Variants in RIMBP2 observed in about 807,000 individuals in gnomAD.
RIMBP2 encodes RIMS binding protein 2.
Under a neutral mutation model 118.6 loss-of-function variants are expected in RIMBP2, and 48 were observed. That is an observed-to-expected ratio of 0.40 (90% CI 0.32 to 0.51). The LOEUF is 0.51. Among genes scored for constraint, RIMBP2 ranks in the 20% least tolerant of loss-of-function variants. The pLI is 0.41. For synonymous variants in RIMBP2, 762 were observed against 742.9 expected, an observed-to-expected ratio of 1.03 and a Z score of -0.42; for missense variants, 1,551 against 1,768.3, an observed-to-expected ratio of 0.88 and a Z score of 2.20.
At chr12:130,494,166 G>A (rs1377472744) in intron 4 of RIMBP2, among the ~76,000 whole-genome samples, 2 of 152,122 alleles carry the variant, frequency 1.3e-5, no homozygotes, top group Non-Finnish European at 1.5e-5. Context: ...GTATCACTGC[G>A]CTGGGGACAG....
chr12:130,642,816 C>A (rs1014492709), intron 1 of RIMBP2, among the ~76,000 whole-genome samples: 1 of 152,164 alleles, frequency 6.6e-6, no homozygotes, highest in Non-Finnish European at 1.5e-5. Flanking sequence ...AAGCTCACAC[C>A]AGCAGGTCAC....
intron 2 of RIMBP2, among the ~76,000 whole-genome samples, chr12:130,602,742 G>A (rs1451103210): frequency 6.6e-6 from 1 of 152,212 alleles, no homozygotes; most frequent in African/African-American, 2.4e-5. Flanking sequence ...TGGTTCTGTT[G>A]CACCATATTG....
chr12:130,416,759 A>T (rs2076122554), intron 17 of RIMBP2, among the ~76,000 whole-genome samples: 1 of 152,214 alleles, frequency 6.6e-6, no homozygotes, highest in Non-Finnish European at 1.5e-5. Flanking sequence ...AGCAAAAGAA[A>T]CTATCAACAG....
At chr12:130,625,787 A>C (rs1487604919) in intron 2 of RIMBP2, among the ~76,000 whole-genome samples, 1 of 152,230 alleles carries the variant, frequency 6.6e-6, no homozygotes, top group Non-Finnish European at 1.5e-5. Flanking sequence ...AAAATTTAAA[A>C]ATATCAAAAA....
At chr12:130,663,293 C>T (rs4759742) in intron 1 of RIMBP2, among the ~76,000 whole-genome samples, 82,648 of 151,942 alleles carry the variant, frequency 0.54, 23,095 homozygotes, top group Non-Finnish European at 0.63. Flanking sequence ...CCTGTCCATG[C>T]GCCCTGAGAC....
chr12:130,556,214 G>A (rs2056341587), intron 2 of RIMBP2, among the ~76,000 whole-genome samples: 1 of 152,146 alleles, frequency 6.6e-6, no homozygotes, highest in African/African-American at 2.4e-5. Context: ...CGTGCACTCT[G>A]TCTGCCCGGA....
chr12:130,646,377 C>G lies in RIMBP2; in HGVS notation c.-351-17921G>C, dbSNP rs374855474. 1.3e-3 allele frequency among the ~76,000 whole-genome samples: 129 copies of G among 100,782 alleles called. 21 individuals carry two copies. The highest frequency in any genetic ancestry group is 2.0e-3 in the African/African-American group (60 of 29,682). 66.1% of individuals were successfully genotyped at this position (100,782 alleles called of 152,430 possible). A position where few individuals can be genotyped will look rare whatever the true frequency, so the allele number is the denominator to read the frequency against. On this transcript the variant is annotated intron_variant, in intron 1 of 22. Transcript: ENST00000690449. ...TCCCTCACCACCTCCCTCACCACCT[C>G]CCTCACCACCTCCCTCACCACCTGC... is the stretch of plus-strand genomic sequence containing the variant.
At position 130,622,740 on chromosome 12, in the gene RIMBP2, G is replaced by A. The variant is rs1292809684; in HGVS notation, c.-217+5582C>T. ...TTTTATTGCCTGTACAACACTCTTG[G>A]AAATATTGGGCTAGTTGGCAGATTT... On this transcript the variant is annotated intron_variant, in intron 2 of 22. Coordinates refer to ENST00000690449, the MANE Select transcript of RIMBP2 (RefSeq NM_001393629.1). The surrounding 1 kb of genome is among the most constrained non-coding windows in gnomAD (Gnocchi z 8.5). Among the ~76,000 whole-genome samples the A allele has an allele frequency of 2.6e-5, 4 of 152,138 alleles. No individual in the cohort carries two copies. Among genetic ancestry groups the A allele is most frequent in the Admixed American group, 6.5e-5 (1 of 15,274 alleles).
intron 3 of RIMBP2, among the ~76,000 whole-genome samples, chr12:130,509,203 G>C (rs2138870740): frequency 6.6e-6 from 1 of 152,302 alleles, no homozygotes; most frequent in African/African-American, 2.4e-5. Flanking sequence ...ACCACATCTA[G>C]GCCACTTGAA....
chr12:130,701,076 A>G (rs2065833624), intron 1 of RIMBP2, among the ~76,000 whole-genome samples: 2 of 152,256 alleles, frequency 1.3e-5, no homozygotes, highest in Non-Finnish European at 2.9e-5. Context: ...GAGAAGGGCT[A>G]AAACACAAAT....
At chr12:130,497,617 G>A (rs1225189765) in intron 4 of RIMBP2, among the ~76,000 whole-genome samples, 1 of 152,254 alleles carries the variant, frequency 6.6e-6, no homozygotes, top group African/African-American at 2.4e-5. Flanking sequence ...TGAGGACCCA[G>A]AATGTCTTGT....
intron 1 of RIMBP2, among the ~76,000 whole-genome samples, chr12:130,646,041 CCCTCTCCACCTCCCTCACCACCTG>C (rs1298255270): frequency 0.029 from 4,189 of 146,646 alleles, 162 homozygotes; most frequent in Middle Eastern, 0.049. Context: ...GCAGCCAGTT[CCCTCTCCACCTCCCTCACCACCTG>C]CCTCTCCACC....
At chr12:130,530,566 A>G (rs939159156) in intron 2 of RIMBP2, among the ~76,000 whole-genome samples, 1 of 152,232 alleles carries the variant, frequency 6.6e-6, no homozygotes, top group African/African-American at 2.4e-5. Flanking sequence ...TTGACTGAAC[A>G]TTACATTTAT....
At chr12:130,408,145 G>A (rs566947893) in intron 19 of RIMBP2, among the ~76,000 whole-genome samples, 14 of 152,304 alleles carry the variant, frequency 9.2e-5, no homozygotes, top group African/African-American at 3.4e-4. Context: ...AAATTTAGAC[G>A]GCTTTGGCCA....
chr12:130,506,540 T>C (rs770611300), intron 4 of RIMBP2, 108 bp downstream of exon 4: 15 of 800,152 alleles, frequency 1.9e-5, no homozygotes, highest in Non-Finnish European at 2.3e-5. Flanking sequence ...GGATGATGGC[T>C]TCCAAAGGAG....
At chr12:130,587,126 G>T (rs2058940565) in intron 2 of RIMBP2, among the ~76,000 whole-genome samples, 2 of 149,822 alleles carry the variant, frequency 1.3e-5, no homozygotes, top group Non-Finnish European at 3.0e-5. Context: ...AAACCACAAT[G>T]AGATACCATC....
At chr12:130,474,853 C>T (rs901077598) in intron 5 of RIMBP2, among the ~76,000 whole-genome samples, 7 of 152,144 alleles carry the variant, frequency 4.6e-5, no homozygotes, top group East Asian at 1.9e-4. Context: ...CTTCTACCAT[C>T]GTCATGACCA....
In RIMBP2 at chr12:130,447,859, C is replaced by G. The variant is rs577618219; in HGVS notation, c.581+2341G>C. Among the ~76,000 whole-genome samples, 20 of 152,264 alleles carry G rather than the reference C, an allele frequency of 1.3e-4. No homozygotes were observed. Among genetic ancestry groups the G allele is most frequent in the African/African-American group, 4.6e-4 (19 of 41,564 alleles). ...CCCTGCATGGAGGGCGGGGAGAGGC[C>G]GCTCGGCACCCAGAGTGAGCGCCCA... On this transcript the variant is annotated intron_variant, in intron 9 of 22. Coordinates refer to ENST00000690449, the MANE Select transcript of RIMBP2 (RefSeq NM_001393629.1). The surrounding 1 kb of genome is among the most constrained non-coding windows in gnomAD (Gnocchi z 4.4).
intron 1 of RIMBP2, among the ~76,000 whole-genome samples, chr12:130,684,342 C>T (rs534547883): frequency 2.0e-5 from 3 of 152,230 alleles, no homozygotes; most frequent in Non-Finnish European, 2.9e-5. Flanking sequence ...CCAAGCTGCG[C>T]CCCAACCACC....
Sources: allele counts gnomAD v4.1 joint callset (sites outside exome capture counted in the v4.1 genomes callset), GRCh38; gene constraint gnomAD v4.1.1; non-coding constraint Gnocchi (gnomAD v3.1); transcripts MANE v1.5; gene names NCBI Gene and HGNC (gene_info 2026-07-23, HGNC 2026-07-21).